The following CDH11 variants were observed in gnomAD, a reference collection of about 807,000 sequenced individuals.
The protein encoded by CDH11 is cadherin 11.
CDH11 carries 11 observed loss-of-function variants against 67.8 expected under a neutral mutation model. The observed-to-expected ratio is 0.16, with a 90% CI of 0.10 to 0.27. The LOEUF (loss-of-function observed/expected upper bound fraction) is 0.27, where lower values mean the gene tolerates loss of function less well. Among genes scored for constraint, CDH11 ranks in the 10% least tolerant of loss-of-function variants. The probability of loss-of-function intolerance (pLI) is 1.00; values close to 1 mark genes in which losing one functional copy is unlikely to be tolerated. For synonymous variants in CDH11, 419 were observed against 400.0 expected (o/e 1.05, Z -0.57); for missense variants, 847 against 1,031.2 (o/e 0.82, Z 2.45).
chr16:65,093,245 G>A (rs1421920608), intron 1 of CDH11, among the ~76,000 whole-genome samples: 1 of 149,184 alleles, frequency 6.7e-6, no homozygotes, highest in Non-Finnish European at 1.5e-5. Flanking sequence ...GAGTTCAAGG[G>A]AGGGTACTAA....
intron 1 of CDH11, among the ~76,000 whole-genome samples, chr16:65,093,210 CTTTTTTTTTTT>C (rs35724614): frequency 8.4e-6 from 1 of 119,136 alleles, no homozygotes; most frequent in Non-Finnish European, 1.7e-5. Flanking sequence ...TGTTGGGTTC[CTTTTTTTTTTT>C]TTTTTTTTTT....
chr16:65,067,532 C>T (rs1045727367), intron 1 of CDH11, among the ~76,000 whole-genome samples: 1 of 152,126 alleles, frequency 6.6e-6, no homozygotes, highest in African/African-American at 2.4e-5. Flanking sequence ...AAATTGTGCT[C>T]ATTGATTTAT....
intron 11 of CDH11, among the ~76,000 whole-genome samples, chr16:64,965,238 C>T (rs1355366949): frequency 6.9e-6 from 1 of 144,122 alleles, no homozygotes; most frequent in Admixed American, 7.1e-5. Flanking sequence ...AAAAATTAGC[C>T]GGGTGTGCTG....
Position 65,045,351 on chromosome 16 carries a change from A to ATATC in CDH11, c.-173+8452_-173+8453insGATA, listed in dbSNP as rs1555522694. Among the ~76,000 whole-genome samples the ATATC allele has an allele frequency of 2.3e-4, 27 of 119,628 alleles. 1 individual carries two copies. Among genetic ancestry groups the ATATC allele is most frequent in the African/African-American group, 7.4e-4 (24 of 32,506 alleles). 78.5% of individuals were successfully genotyped at this position (119,628 alleles called of 152,430 possible). A position where few individuals can be genotyped will look rare whatever the true frequency, so the allele number is the denominator to read the frequency against. On this transcript the variant is annotated intron_variant, in intron 2 of 12. Coordinates refer to ENST00000268603, the MANE Select transcript of CDH11 (RefSeq NM_001797.4). ...AAAGTATATATATATATATATATAT[A>ATATC]TATATATATATATATATATATGAAC...
At position 65,043,573 on chromosome 16, in the gene CDH11, T is replaced by C. The variant is rs577024401; in HGVS notation, c.-173+10231A>G. 5.3e-5 allele frequency among the ~76,000 whole-genome samples: 8 copies of C among 152,282 alleles called. No individual in the cohort carries two copies. The South Asian group carries it at 1.7e-3, about 32-fold the overall frequency. The stretch of plus-strand genomic sequence containing the variant: ...ATGTGAGCTGCCCTGGAAAAGAGCA[T>C]GACTTTGGCTGAGGTGAAAGCTGCA... On this transcript the variant is annotated intron_variant, in intron 2 of 12. Transcript: ENST00000268603.
At chr16:65,065,767 C>T (rs73581629) in intron 1 of CDH11, among the ~76,000 whole-genome samples, 1,897 of 152,338 alleles carry the variant, frequency 0.012, 52 homozygotes, top group African/African-American at 0.044. Flanking sequence ...CTCTTTCACA[C>T]AGCTGCTACA....
intron 1 of CDH11, among the ~76,000 whole-genome samples, chr16:65,101,089 A>T (rs1487873203): frequency 1.3e-5 from 2 of 152,176 alleles, no homozygotes; most frequent in Non-Finnish European, 2.9e-5. Context: ...CAGGCATAGC[A>T]CCTCAAAGCT....
intron 1 of CDH11, chr16:65,072,402 T>C (rs2074433695): frequency 6.6e-6 from 1 of 152,316 alleles, no homozygotes; most frequent in African/African-American, 2.4e-5. Flanking sequence ...AGGATCACAT[T>C]GTGCCCACCA....
chr16:65,066,441 A>C (rs2074314225), intron 1 of CDH11, among the ~76,000 whole-genome samples: 1 of 152,246 alleles, frequency 6.6e-6, no homozygotes, highest in Non-Finnish European at 1.5e-5. Flanking sequence ...CAAACAGGTA[A>C]GATTGCTCTT....
chr16:64,981,056 T>A (rs116862929), intron 8 of CDH11: 3,714 of 154,730 alleles, frequency 0.024, 70 homozygotes, highest in Non-Finnish European at 0.033. Flanking sequence ...AAGAGGAAAG[T>A]GGAGAAGCAG....
At chr16:65,001,444 C>A (rs917076907) in intron 3 of CDH11, among the ~76,000 whole-genome samples, 15 of 152,120 alleles carry the variant, frequency 9.9e-5, no homozygotes, top group African/African-American at 3.6e-4. Context: ...TACCTTTGTT[C>A]TTCTATTTAC....
intron 4 of CDH11, among the ~76,000 whole-genome samples, chr16:64,995,791 T>C (rs1371351463): frequency 6.6e-6 from 1 of 152,078 alleles, no homozygotes; most frequent in African/African-American, 2.4e-5. Context: ...AGGGAAACTA[T>C]AAACAGAGTA....
chr16:65,010,921 A>G (rs2073162714), intron 2 of CDH11, among the ~76,000 whole-genome samples: 1 of 149,702 alleles, frequency 6.7e-6, no homozygotes, highest in East Asian at 2.0e-4. Flanking sequence ...ATTTTATTGC[A>G]TTTTCACCAC....
upstream of CDH11, among the ~76,000 whole-genome samples, chr16:65,122,997 GT>G (rs1422888074): frequency 6.6e-6 from 1 of 152,186 alleles, no homozygotes; most frequent in East Asian, 1.9e-4. Flanking sequence ...CAGCGCCGGA[GT>G]CCTAGCTCCT....
intron 11 of CDH11, among the ~76,000 whole-genome samples, chr16:64,966,922 A>G (rs1188335531): frequency 6.6e-6 from 1 of 152,214 alleles, no homozygotes; most frequent in Non-Finnish European, 1.5e-5. Context: ...TATATAATTT[A>G]AGAGGTGGGC....
chr16:65,052,929 AG>A (rs1388739052), intron 2 of CDH11, among the ~76,000 whole-genome samples: 5 of 152,278 alleles, frequency 3.3e-5, no homozygotes, highest in Admixed American at 6.5e-5. Context: ...AGGGGTTGAG[AG>A]GCTTAAAGTA....
At chr16:64,971,475 G>T in intron 11 of CDH11, 104 bp downstream of exon 11, 2 of 685,098 alleles carry the variant, frequency 2.9e-6, no homozygotes, top group Non-Finnish European at 5.0e-6. Flanking sequence ...TTCTTCAACA[G>T]GAAGACATTA....
At chr16:65,047,675 T>C (rs145399263) in intron 2 of CDH11, among the ~76,000 whole-genome samples, 1 of 152,164 alleles carries the variant, frequency 6.6e-6, no homozygotes, top group Non-Finnish European at 1.5e-5. Context: ...TAACCGTCTT[T>C]ATCTATTTTA....
At chr16:65,085,123 G>A (rs1009628041) in intron 1 of CDH11, among the ~76,000 whole-genome samples, 2 of 152,056 alleles carry the variant, frequency 1.3e-5, no homozygotes, top group Admixed American at 6.5e-5. Context: ...ATTGGGCAGC[G>A]TGGTCTCGAA....
Sources: allele counts gnomAD v4.1 joint callset (sites outside exome capture counted in the v4.1 genomes callset), GRCh38; gene constraint gnomAD v4.1.1; transcripts MANE v1.5; gene names NCBI Gene and HGNC (gene_info 2026-07-23, HGNC 2026-07-21).